Variants in AGAP3 observed in about 807,000 individuals in gnomAD.
AGAP3 encodes ArfGAP with GTPase domain, ankyrin repeat and PH domain 3, also known as arf-GAP with GTPase, ANK repeat and PH domain-containing protein 3.
In AGAP3, 24 loss-of-function variants were observed where a neutral mutation model predicts 96.9. The observed-to-expected ratio is 0.25, with a 90% CI of 0.18 to 0.35. AGAP3 has a LOEUF of 0.35. Among genes scored for constraint, AGAP3 ranks in the 10% least tolerant of loss-of-function variants. The pLI, the probability that AGAP3 is intolerant of heterozygous loss-of-function variation, is 1.00. For synonymous variants in AGAP3, 563 were observed against 536.1 expected (o/e 1.05, Z -0.69); for missense variants, 876 against 1,254.2 (o/e 0.70, Z 4.55).
intron 1 of AGAP3, chr7:151,115,404 C>CCG: frequency 3.0e-6 from 3 of 1,012,878 alleles, no homozygotes; most frequent in Non-Finnish European, 3.5e-6. Context: ...GGCCCGGCCG[C>CCG]CGCGCGCGCG....
At chr7:151,117,235 C>T in intron 3 of AGAP3, 53 bp downstream of exon 3, 2 of 1,598,108 alleles carry the variant, frequency 1.3e-6, no homozygotes, top group South Asian at 1.1e-5. Context: ...CCTCCAGCTC[C>T]TGCCCACAGG....
At chr7:151,104,562 G>T (rs76325657) in intron 1 of AGAP3, among the ~76,000 whole-genome samples, 1 of 152,196 alleles carries the variant, frequency 6.6e-6, no homozygotes, top group African/African-American at 2.4e-5. Flanking sequence ...ATGAAAAGGC[G>T]CAACCTCACT....
intron 1 of AGAP3, chr7:151,089,565 G>C (rs1798306898): frequency 6.6e-6 from 1 of 152,308 alleles, no homozygotes; most frequent in East Asian, 1.9e-4. Flanking sequence ...CCTGCGGTCA[G>C]GATCCATCTG....
intron 1 of AGAP3, among the ~76,000 whole-genome samples, chr7:151,111,978 T>C (rs1179965246): frequency 6.6e-6 from 1 of 152,174 alleles, no homozygotes; most frequent in Non-Finnish European, 1.5e-5. Context: ...GCCCAGTAGG[T>C]AGTGGCTGTC....
intron 1 of AGAP3, among the ~76,000 whole-genome samples, chr7:151,109,581 G>C (rs1055506542): frequency 6.6e-6 from 1 of 152,124 alleles, no homozygotes; most frequent in Non-Finnish European, 1.5e-5. Context: ...TGGATTCAGG[G>C]CCCACCCTAC....
intron 5 of AGAP3, 57 bp downstream of exon 5, chr7:151,117,834 A>G (rs1291703008): frequency 2.6e-6 from 4 of 1,556,538 alleles, no homozygotes; most frequent in Admixed American, 1.9e-5. Flanking sequence ...GCAACGATGC[A>G]TGGGGGCAGG....
chr7:151,127,784 C>T (rs62489626), intron 9 of AGAP3, among the ~76,000 whole-genome samples: 54,462 of 152,044 alleles, frequency 0.36, 9,928 homozygotes, highest in Admixed American at 0.45. Flanking sequence ...GGTTGAGCAT[C>T]GTCTCCTTCT....
rs3815980 is a variant in AGAP3, at chr7:151,118,795, C to T, written c.969+163C>T. ...AACATTGGTTGGAATTCCATTTAGC[C>T]GGCACCGTAGCCTTGGCCTCATCCC... On this transcript the variant is annotated intron_variant, in intron 7 of 17. Transcript: ENST00000397238. This position sits in a 1 kb window ranked among gnomAD's most constrained non-coding sequence, Gnocchi z 6.1. 0.059 allele frequency among the ~76,000 whole-genome samples: 9,030 copies of T among 152,230 alleles called. 502 individuals carry two copies. Among genetic ancestry groups the T allele is most frequent in the African/African-American group, 0.15 (6,064 of 41,500 alleles).
chr7:151,106,425 C>G (rs1254713469), intron 1 of AGAP3, among the ~76,000 whole-genome samples: 2 of 152,120 alleles, frequency 1.3e-5, no homozygotes, highest in African/African-American at 4.8e-5. Context: ...CTCCACCTCC[C>G]AGGTTCAAGT....
intron 11 of AGAP3, 31 bp downstream of exon 11, chr7:151,134,599 GGGTGGCTGCCTT>G (rs759147998): frequency 9.6e-6 from 15 of 1,570,662 alleles, no homozygotes; most frequent in Non-Finnish European, 1.3e-5. Flanking sequence ...GGGGCCTGGG[GGGTGGCTGCCTT>G]GGAGCCAAGG....
In AGAP3 at chr7:151,120,084, C is replaced by T. The variant is rs34437845; in HGVS notation, c.1067C>T (p.Ala356Val). Residue 356 changes from alanine (A) to valine (V), a missense_variant, in exon 8 of 18, where the codon GCT becomes GTT. Around this residue, in one of 8 missense-constraint regions of AGAP3, gnomAD observed 100 missense variants for 129.4 expected, o/e 0.77. Coordinates refer to ENST00000397238, the MANE Select transcript of AGAP3 (RefSeq NM_031946.7). The part of the protein sequence containing the change: ...SQRELRIETI[A>V]ASSTPTPIRK... ...CGGGAGCTGCGCATCGAGACCATCGCTGCCTCCTCCACCCCCACACCCATC... is the reference window on the plus strand; with the variant it reads ...CGGGAGCTGCGCATCGAGACCATCGTTGCCTCCTCCACCCCCACACCCATC... 10 of 1,613,970 alleles carry T rather than the reference C, an allele frequency of 6.2e-6. No homozygotes were observed. Among genetic ancestry groups the T allele is most frequent in the Non-Finnish European group, 7.6e-6 (9 of 1,179,916 alleles).
At chr7:151,095,595 C>T (rs548335081) in intron 1 of AGAP3, among the ~76,000 whole-genome samples, 6 of 151,310 alleles carry the variant, frequency 4.0e-5, no homozygotes, top group Non-Finnish European at 8.8e-5. Context: ...GGATCCCCAC[C>T]CCTTCCTGGG....
chr7:151,116,563 C>T (rs748634537), intron 1 of AGAP3: 7 of 565,254 alleles, frequency 1.2e-5, no homozygotes, highest in Non-Finnish European at 1.9e-5. Context: ...GGGACTGAGC[C>T]CACAGCCCTC....
intron 1 of AGAP3, chr7:151,115,530 G>A (rs1196413593): frequency 9.4e-7 from 1 of 1,065,464 alleles, no homozygotes; most frequent in Non-Finnish European, 1.1e-6. Context: ...CACCGCCGCC[G>A]GCCTCTGGAG....
rs1365296639 is a variant in AGAP3, at chr7:151,142,135, T to C, written c.1960-28T>C. The C allele has an allele frequency of 6.2e-7, 1 of 1,612,222 alleles. No homozygotes were observed. The highest frequency in any genetic ancestry group is 8.5e-7 in the Non-Finnish European group (1 of 1,178,926). ...GGCCTCATGACTGACCAACCGCCCCTTGTCTTGTCTCTCCTGCTGTGCGAC... is the reference window on the plus strand; with the variant it reads ...GGCCTCATGACTGACCAACCGCCCCCTGTCTTGTCTCTCCTGCTGTGCGAC... On this transcript the variant is annotated intron_variant, in intron 14 of 17. Transcript: ENST00000397238. The surrounding 1 kb of genome is among the most constrained non-coding windows in gnomAD (Gnocchi z 7.5).
intron 8 of AGAP3, chr7:151,122,876 G>A: frequency 1.3e-6 from 2 of 1,564,546 alleles, no homozygotes; most frequent in Non-Finnish European, 1.7e-6. Context: ...TCTCAGATGA[G>A]AAGCGGCCGC....
At chr7:151,090,788 C>A (rs1397678956) in intron 1 of AGAP3, among the ~76,000 whole-genome samples, 2 of 152,022 alleles carry the variant, frequency 1.3e-5, no homozygotes, top group African/African-American at 4.8e-5. Context: ...ACTAAAAATA[C>A]GAAAAATTAG....
In AGAP3 at chr7:151,142,132, C is replaced by A; in HGVS notation, c.1960-31C>A. The A allele has an allele frequency of 6.2e-7, 1 of 1,612,146 alleles. No individual in the cohort carries two copies. On this transcript the variant is annotated intron_variant, in intron 14 of 17. Coordinates refer to ENST00000397238, the MANE Select transcript of AGAP3 (RefSeq NM_031946.7). The surrounding 1 kb of genome is among the most constrained non-coding windows in gnomAD (Gnocchi z 7.5). ...AGGGGCCTCATGACTGACCAACCGC[C>A]CCTTGTCTTGTCTCTCCTGCTGTGC... is the stretch of plus-strand genomic sequence containing the variant.
chr7:151,126,180 G>C (rs944334734), intron 9 of AGAP3, among the ~76,000 whole-genome samples: 1 of 151,398 alleles, frequency 6.6e-6, no homozygotes, highest in African/African-American at 2.4e-5. Flanking sequence ...GGGCGTTCAG[G>C]GTGGAGGAGG....
Sources: gnomAD v4.1 joint callset for allele counts (sites outside exome capture counted in the v4.1 genomes callset) on GRCh38, gnomAD v4.1.1 for gene constraint, gnomAD v4.1.1 regional missense constraint, Gnocchi (gnomAD v3.1) non-coding constraint, MANE v1.5 for transcripts, NCBI Gene and HGNC (gene_info 2026-07-23, HGNC 2026-07-21) for gene names.